DENR: variants seen among roughly 807,000 people sequenced by gnomAD.
DENR encodes density regulated re-initiation and release factor, also known as density-regulated protein.
DENR carries 6 observed loss-of-function variants against 30.6 expected under a neutral mutation model. The observed-to-expected ratio is 0.20, with a 90% CI of 0.11 to 0.39. The LOEUF (loss-of-function observed/expected upper bound fraction) is 0.39. Ranked by LOEUF, DENR falls within the 10% of genes least tolerant of loss-of-function variation. The pLI, the probability that DENR is intolerant of heterozygous loss-of-function variation, is 1.00. For missense variants in DENR, 141 were observed against 230.9 expected, an observed-to-expected ratio of 0.61 and a Z score of 2.52; for synonymous variants, 78 against 72.1, an observed-to-expected ratio of 1.08 and a Z score of -0.41.
chr12:122,762,824 A>G, intron 3 of DENR, 21 bp from the exon 4 acceptor site: 1 of 1,453,218 alleles, frequency 6.9e-7, no homozygotes. Context: ...GTTGTGACTC[A>G]GTTCTTTTTT....
intron 4 of DENR, 133 bp from the exon 5 acceptor site, chr12:122,765,171 A>G (rs1566060522): frequency 1.5e-6 from 1 of 657,812 alleles, no homozygotes; most frequent in East Asian, 2.7e-5. Context: ...AGTGTAATCC[A>G]TTGCTTTACA....
intron 3 of DENR, 106 bp from the exon 4 acceptor site, chr12:122,762,739 T>G: frequency 1.1e-3 from 754 of 701,134 alleles, no homozygotes; most frequent in Middle Eastern, 2.5e-3. Flanking sequence ...TGGGAGTGGT[T>G]TGTTTTATTC....
chr12:122,767,666 ATCTC>A, intron 6 of DENR, 62 bp downstream of exon 6: 1 of 954,430 alleles, frequency 1.0e-6, no homozygotes, highest in Non-Finnish European at 1.5e-6. Flanking sequence ...GTCTCCCTCT[ATCTC>A]TCTGTCTCTC....
rs747959881 is a variant in DENR, at chr12:122,768,771, T to TA, written c.413-4dup. 6.5e-5 allele frequency: 99 copies of TA among 1,531,710 alleles called. No homozygotes were observed. Among genetic ancestry groups the TA allele is most frequent in the African/African-American group, 4.2e-4 (30 of 71,718 alleles). 94.9% of individuals were successfully genotyped at this position (1,531,710 alleles called of 1,614,324 possible). ...TTACAGTTCTTGCTCTTTCTTTTTTTAAAAAAATAGAAATTGATCTTAAAG... is the reference window on the plus strand; with the variant it reads ...TTACAGTTCTTGCTCTTTCTTTTTTTAAAAAAAATAGAAATTGATCTTAAAG... On this transcript the variant is annotated splice_polypyrimidine_tract_variant and intron_variant, in intron 6 of 7. Transcript: ENST00000280557.
chr12:122,763,892 A>G (rs1374813028), intron 4 of DENR, among the ~76,000 whole-genome samples: 2 of 152,208 alleles, frequency 1.3e-5, no homozygotes, highest in African/African-American at 4.8e-5. Flanking sequence ...TGTAGACAGT[A>G]ATAAGCAGGA....
intron 4 of DENR, among the ~76,000 whole-genome samples, chr12:122,764,994 A>G (rs1335599979): frequency 1.3e-5 from 2 of 152,228 alleles, no homozygotes; most frequent in Non-Finnish European, 2.9e-5. Flanking sequence ...TGTTAACAAA[A>G]TTAGTAAGTT....
intron 7 of DENR, 22 bp downstream of exon 7, chr12:122,768,943 A>G (rs201636319): frequency 2.7e-4 from 431 of 1,605,444 alleles, no homozygotes; most frequent in Non-Finnish European, 3.4e-4. Context: ...GAACACATAC[A>G]TCGCTAGAGA....
intron 2 of DENR, among the ~76,000 whole-genome samples, chr12:122,755,180 G>C (rs1158679391): frequency 1.3e-5 from 2 of 152,214 alleles, no homozygotes; most frequent in Admixed American, 1.3e-4. Context: ...GAGGTGAACT[G>C]GGTAGATTTC....
chr12:122,768,956 A>T lies in DENR; in HGVS notation c.552+35A>T, dbSNP rs369866831. On this transcript the variant is annotated intron_variant, in intron 7 of 7. Transcript: ENST00000280557. ...TGGAACACATACATCGCTAGAGATAAGTTTTTAAAGCAAATTGCTTCCATT... is the reference window on the plus strand; with the variant it reads ...TGGAACACATACATCGCTAGAGATATGTTTTTAAAGCAAATTGCTTCCATT... 2.5e-6 allele frequency: 4 copies of T among 1,603,998 alleles called. No homozygotes were observed. The East Asian group carries it at 9.0e-5, about 36-fold the overall frequency.
In DENR at chr12:122,769,940, A is replaced by G. The variant is rs899985960; in HGVS notation, c.*862A>G. The G allele has an allele frequency of 1.3e-5, 2 of 152,560 alleles. No homozygotes were observed. The highest frequency in any genetic ancestry group is 2.9e-5 in the Non-Finnish European group (2 of 68,034). The allele number at this position is 152,560 out of a possible 1,614,324, so 9.5% of individuals were successfully genotyped here. Reference sequence around the variant, plus strand: ...AAAAGAATTTGAATTTGGCTTCCTCACCAGTAATATGTCTCCTTGCTTCTT... The same window carrying G: ...AAAAGAATTTGAATTTGGCTTCCTCGCCAGTAATATGTCTCCTTGCTTCTT... On this transcript the variant is annotated 3_prime_UTR_variant, in exon 8 of 8. Coordinates refer to ENST00000280557, the MANE Select transcript of DENR (RefSeq NM_003677.5).
intron 2 of DENR, among the ~76,000 whole-genome samples, chr12:122,757,203 G>T (rs937087423): frequency 6.6e-6 from 1 of 152,160 alleles, no homozygotes; most frequent in Non-Finnish European, 1.5e-5. Context: ...AAAGAAGGAT[G>T]CAAATTAGAG....
chr12:122,770,752 G>GT lies in DENR; in HGVS notation c.*1680dup, dbSNP rs1393824209. On this transcript the variant is annotated 3_prime_UTR_variant, in exon 8 of 8. Coordinates refer to ENST00000280557, the MANE Select transcript of DENR (RefSeq NM_003677.5). ...ATGCAAATTACAATCTTGAATGAGT[G>GT]TTTTTTAAAAATAAAGTATTAGAAA... is the stretch of plus-strand genomic sequence containing the variant. 6.3e-5 allele frequency: 25 copies of GT among 398,224 alleles called. No individual in the cohort carries two copies. The highest frequency in any genetic ancestry group is 1.2e-4 in the African/African-American group (6 of 48,564). 24.7% of individuals were successfully genotyped at this position (398,224 alleles called of 1,614,324 possible).
rs1045861239 is a variant in DENR, at chr12:122,769,261, TAC to T, written c.*187_*188del. The stretch of plus-strand genomic sequence containing the variant: ...ATGTATACATGTATATATATATACA[TAC>T]ACATATATGTATACATATATACACA... On this transcript the variant is annotated 3_prime_UTR_variant, in exon 8 of 8. Transcript: ENST00000280557. 7.9e-6 allele frequency: 6 copies of T among 757,588 alleles called. No homozygotes were observed. Among genetic ancestry groups the T allele is most frequent in the Non-Finnish European group, 1.0e-5 (6 of 602,664 alleles). The allele number at this position is 757,588 out of a possible 1,614,324, so 46.9% of individuals were successfully genotyped here.
At position 122,761,186 on chromosome 12, in the gene DENR, C is replaced by T. The variant is rs554659339; in HGVS notation, c.107-1001C>T. ...CAGCACTTTGGGAGGCTGAGGCGGACGGATTACCTGAGGTCAGGAGTTTGA... is the reference window on the plus strand; with the variant it reads ...CAGCACTTTGGGAGGCTGAGGCGGATGGATTACCTGAGGTCAGGAGTTTGA... On this transcript the variant is annotated intron_variant, in intron 2 of 7. Transcript: ENST00000280557. Among the ~76,000 whole-genome samples, 10 of 150,830 alleles carry T rather than the reference C, an allele frequency of 6.6e-5. No individual in the cohort carries two copies. In the East Asian group the frequency reaches 1.2e-3, roughly 18 times the overall value.
intron 4 of DENR, 121 bp from the exon 5 acceptor site, chr12:122,765,183 A>G: frequency 1.4e-6 from 1 of 713,928 alleles, no homozygotes; most frequent in Admixed American, 2.8e-5. Flanking sequence ...TGCTTTACAA[A>G]TTTCATGCTC....
At chr12:122,758,946 G>A (rs1878624385) in intron 2 of DENR, among the ~76,000 whole-genome samples, 1 of 151,580 alleles carries the variant, frequency 6.6e-6, no homozygotes, top group African/African-American at 2.4e-5. Context: ...CCAGGATCAA[G>A]CGATTCTCCT....
At chr12:122,757,566 T>C (rs577149626) in intron 2 of DENR, among the ~76,000 whole-genome samples, 2 of 152,296 alleles carry the variant, frequency 1.3e-5, no homozygotes, top group Middle Eastern at 3.4e-3. Flanking sequence ...AGCTTCTCAA[T>C]TGTATAAGTG....
intron 2 of DENR, among the ~76,000 whole-genome samples, chr12:122,757,206 A>G (rs984200718): frequency 6.6e-6 from 1 of 152,268 alleles, no homozygotes. Context: ...GAAGGATGCA[A>G]ATTAGAGAAT....
chr12:122,756,977 C>G (rs1030582742), intron 2 of DENR, among the ~76,000 whole-genome samples: 1 of 152,004 alleles, frequency 6.6e-6, no homozygotes, highest in Admixed American at 6.6e-5. Context: ...GTAGGATGAA[C>G]AGTATAAAGC....
Sources: gnomAD v4.1 joint callset for allele counts (sites outside exome capture counted in the v4.1 genomes callset) on GRCh38, gnomAD v4.1.1 for gene constraint, MANE v1.5 for transcripts, NCBI Gene and HGNC (gene_info 2026-07-23, HGNC 2026-07-21) for gene names.